The following SNX29 variants were observed in gnomAD, a reference collection of about 807,000 sequenced individuals.
SNX29 encodes sorting nexin 29.
In SNX29, 78 loss-of-function variants were observed where a neutral mutation model predicts 102.1. That is an observed-to-expected ratio of 0.76 (90% CI 0.64 to 0.92). The LOEUF is 0.92. SNX29 is among the 40% of genes least tolerant of loss of function. The pLI, the probability that SNX29 is intolerant of heterozygous loss-of-function variation, is 0.00. For missense variants in SNX29, 1,280 were observed against 1,061.7 expected (o/e 1.21, Z -2.86); for synonymous variants, 580 against 414.5 (o/e 1.40, Z -4.85).
intron 20 of SNX29, among the ~76,000 whole-genome samples, chr16:12,554,009 G>C (rs1231602811): frequency 1.3e-5 from 2 of 152,032 alleles, no homozygotes; most frequent in African/African-American, 2.4e-5. Flanking sequence ...ATTTTTAGTA[G>C]AGACAGCGTT....
At chr16:12,468,091 G>A (rs1296100706) in intron 18 of SNX29, among the ~76,000 whole-genome samples, 1 of 150,648 alleles carries the variant, frequency 6.6e-6, no homozygotes, top group Non-Finnish European at 1.5e-5. Context: ...CCTGTTACAC[G>A]AGCCCCTGCC....
intron 20 of SNX29, among the ~76,000 whole-genome samples, chr16:12,565,530 C>T (rs1038250739): frequency 2.6e-5 from 4 of 152,216 alleles, no homozygotes; most frequent in Admixed American, 2.6e-4. Flanking sequence ...CTCCACATGG[C>T]CTCGAGGATT....
intron 15 of SNX29, among the ~76,000 whole-genome samples, chr16:12,308,698 T>C (rs1417798560): frequency 6.6e-6 from 1 of 152,214 alleles, no homozygotes; most frequent in East Asian, 1.9e-4. Context: ...TCTACTGCTA[T>C]TTACACATAA....
At chr16:12,393,412 G>GCATT (rs995951326) in intron 16 of SNX29, among the ~76,000 whole-genome samples, 2,023 of 138,410 alleles carry the variant, frequency 0.015, 42 homozygotes, top group African/African-American at 0.037. Flanking sequence ...ATGCATGCAT[G>GCATT]CATTCATTCA....
At chr16:12,007,382 G>T (rs1370624340) in intron 3 of SNX29, among the ~76,000 whole-genome samples, 1 of 152,154 alleles carries the variant, frequency 6.6e-6, no homozygotes, top group Non-Finnish European at 1.5e-5. Flanking sequence ...GTGCCCACCT[G>T]TAATCCCAGC....
intron 8 of SNX29, among the ~76,000 whole-genome samples, chr16:12,055,891 T>C (rs186741163): frequency 5.9e-5 from 9 of 152,110 alleles, no homozygotes; most frequent in Middle Eastern, 3.4e-3. Context: ...GCCTTTATTC[T>C]TTTTTTTCTG....
intron 15 of SNX29, among the ~76,000 whole-genome samples, chr16:12,298,913 C>G (rs762133287): frequency 1.6e-4 from 25 of 151,554 alleles, no homozygotes; most frequent in Admixed American, 2.0e-4. Context: ...CCAGAGGAAC[C>G]AAGGCTTTGA....
intron 18 of SNX29, among the ~76,000 whole-genome samples, chr16:12,458,830 C>T (rs1056690379): frequency 1.3e-5 from 2 of 152,188 alleles, no homozygotes; most frequent in African/African-American, 4.8e-5. Context: ...AGAGTGAGCA[C>T]TCACACAGGA....
intron 16 of SNX29, among the ~76,000 whole-genome samples, chr16:12,356,981 T>C (rs1488096236): frequency 6.6e-6 from 1 of 152,242 alleles, no homozygotes; most frequent in East Asian, 1.9e-4. Flanking sequence ...CTTGGTTCTG[T>C]AGTTCTCTGT....
At chr16:12,557,283 G>C (rs1180853556) in intron 20 of SNX29, 3 of 152,234 alleles carry the variant, frequency 2.0e-5, no homozygotes, top group Admixed American at 6.5e-5. Flanking sequence ...AGGCAGAAGA[G>C]ACCTGGGACC....
intron 13 of SNX29, among the ~76,000 whole-genome samples, chr16:12,167,400 G>T (rs2076041319): frequency 6.6e-6 from 1 of 152,136 alleles, no homozygotes; most frequent in African/African-American, 2.4e-5. Context: ...TGTGGGTCCA[G>T]GTAGAGCTCT....
chr16:12,387,270 C>T (rs1428907933), intron 16 of SNX29, among the ~76,000 whole-genome samples: 1 of 152,188 alleles, frequency 6.6e-6, no homozygotes, highest in Non-Finnish European at 1.5e-5. Context: ...TTCCTCATCA[C>T]ACAACCGAAT....
chr16:12,241,422 C>G (rs1401046344), intron 14 of SNX29, among the ~76,000 whole-genome samples: 1 of 151,824 alleles, frequency 6.6e-6, no homozygotes, highest in African/African-American at 2.4e-5. Flanking sequence ...TGGACCTAGT[C>G]TGTCTCTGTG....
intron 1 of SNX29, among the ~76,000 whole-genome samples, chr16:11,995,595 G>C (rs2151001759): frequency 6.7e-6 from 1 of 149,064 alleles, no homozygotes; most frequent in South Asian, 2.1e-4. Context: ...GAGTAAGGCA[G>C]AGGAGGCTGC....
At chr16:12,340,965 T>C (rs753617132) in intron 15 of SNX29, among the ~76,000 whole-genome samples, 1 of 152,210 alleles carries the variant, frequency 6.6e-6, no homozygotes, top group South Asian at 2.1e-4. Flanking sequence ...TTATGAGAAC[T>C]CATCCTACAG....
At chr16:12,475,735 C>T (rs550621748) in intron 18 of SNX29, among the ~76,000 whole-genome samples, 1 of 152,202 alleles carries the variant, frequency 6.6e-6, no homozygotes, top group African/African-American at 2.4e-5. Flanking sequence ...CTGGAAAAAA[C>T]ATCAAAATTT....
intron 18 of SNX29, among the ~76,000 whole-genome samples, chr16:12,461,822 G>A (rs2086785759): frequency 6.6e-6 from 1 of 150,490 alleles, no homozygotes; most frequent in Non-Finnish European, 1.5e-5. Flanking sequence ...CGGGCATGGT[G>A]GCAGGTGCCT....
rs1293948282 is a variant in SNX29, at chr16:12,051,905, T to C, written c.807T>C (p.Phe269=). 1 of 1,613,816 alleles carries C rather than the reference T, an allele frequency of 6.2e-7. No homozygotes were observed. The highest frequency in any genetic ancestry group is 8.5e-7 in the Non-Finnish European group (1 of 1,179,842). The change falls in exon 8 of 21, where the codon TTT becomes TTC. Residue 269 remains phenylalanine, a synonymous_variant. Coordinates refer to ENST00000566228, the MANE Select transcript of SNX29 (RefSeq NM_032167.5). ...KKKKVTNIIS[F]DDEEDEQNSG... is the part of the protein sequence containing the mutation. ...AGAAAGTGACCAACATAATCTCATTTGATGATGAGGAAGATGAGCAGAACT... is the reference window on the plus strand; with the variant it reads ...AGAAAGTGACCAACATAATCTCATTCGATGATGAGGAAGATGAGCAGAACT...
chr16:12,394,429 G>T (rs147279465), intron 16 of SNX29, among the ~76,000 whole-genome samples: 1 of 152,190 alleles, frequency 6.6e-6, no homozygotes, highest in Non-Finnish European at 1.5e-5. Context: ...AGGACCTTGG[G>T]CAAGTTACTT....
Sources: gnomAD v4.1 joint callset for allele counts (sites outside exome capture counted in the v4.1 genomes callset) on GRCh38, gnomAD v4.1.1 for gene constraint, MANE v1.5 for transcripts, NCBI Gene and HGNC (gene_info 2026-07-23, HGNC 2026-07-21) for gene names.